EYS: variants seen among roughly 807,000 people sequenced by gnomAD.
EYS encodes the protein protein eyes shut homolog.
EYS carries 250 observed loss-of-function variants against 282.1 expected under a neutral mutation model. The observed-to-expected ratio is 0.89, with a 90% CI of 0.80 to 0.98. The LOEUF is 0.98. Ranked by LOEUF, EYS falls within the 50% of genes least tolerant of loss-of-function variation. The pLI is 0.00. For synonymous variants in EYS, 1,355 were observed against 1,282.9 expected, an observed-to-expected ratio of 1.06 and a Z score of -1.20; for missense variants, 4,016 against 3,709.0, an observed-to-expected ratio of 1.08 and a Z score of -2.15.
chr6:65,202,918 G>C (rs529175260), intron 12 of EYS, among the ~76,000 whole-genome samples: 1 of 152,138 alleles, frequency 6.6e-6, no homozygotes, highest in African/African-American at 2.4e-5. Flanking sequence ...CATGAGGCCT[G>C]AGAGCTTCCA....
At chr6:64,687,955 G>T (rs542262077) in intron 22 of EYS, among the ~76,000 whole-genome samples, 43 of 152,216 alleles carry the variant, frequency 2.8e-4, no homozygotes, top group Middle Eastern at 3.4e-3. Context: ...AGTCTTTGCA[G>T]GGTGTATGTG....
intron 2 of EYS, among the ~76,000 whole-genome samples, chr6:65,635,867 A>G (rs1767068988): frequency 6.6e-6 from 1 of 152,134 alleles, no homozygotes; most frequent in Non-Finnish European, 1.5e-5. Context: ...GTGCCCTCCT[A>G]CAATTTCATC....
intron 4 of EYS, among the ~76,000 whole-genome samples, chr6:65,491,772 G>A (rs141230799): frequency 6.6e-6 from 1 of 152,240 alleles, no homozygotes; most frequent in African/African-American, 2.4e-5. Flanking sequence ...ATATGTTGAA[G>A]TCCTATCCCT....
At chr6:65,334,755 T>C (rs1769919723) in intron 11 of EYS, among the ~76,000 whole-genome samples, 1 of 151,776 alleles carries the variant, frequency 6.6e-6, no homozygotes, top group South Asian at 2.1e-4. Flanking sequence ...TCTATACAGA[T>C]ATATTCCTTC....
intron 42 of EYS, among the ~76,000 whole-genome samples, chr6:63,722,450 ATC>A (rs1485623004): frequency 6.6e-6 from 1 of 152,126 alleles, no homozygotes; most frequent in Admixed American, 6.6e-5. Flanking sequence ...ATTACAGTAT[ATC>A]TCATTTTATA....
chr6:64,848,613 A>G (rs1472564708), intron 19 of EYS, among the ~76,000 whole-genome samples: 2 of 152,092 alleles, frequency 1.3e-5, no homozygotes, highest in African/African-American at 4.8e-5. Context: ...TGGGAGGGGC[A>G]GTATAGCAGA....
intron 2 of EYS, among the ~76,000 whole-genome samples, chr6:65,574,029 T>C: frequency 6.6e-6 from 1 of 152,260 alleles, no homozygotes; most frequent in Non-Finnish European, 1.5e-5. Context: ...CATCCATGCC[T>C]CACAGACAGT....
At chr6:65,593,756 T>C (rs1765311045) in intron 2 of EYS, among the ~76,000 whole-genome samples, 2 of 152,004 alleles carry the variant, frequency 1.3e-5, no homozygotes, top group Admixed American at 6.6e-5. Flanking sequence ...GTACTCTAAT[T>C]ATATTTTGTC....
chr6:63,735,464 C>A (rs1768885844), intron 41 of EYS, among the ~76,000 whole-genome samples: 1 of 151,510 alleles, frequency 6.6e-6, no homozygotes, highest in African/African-American at 2.4e-5. Context: ...TTTCCTGTCT[C>A]TGTCTTCCTG....
chr6:64,591,694 G>A lies in EYS; in HGVS notation c.4173C>T (p.Thr1391=). The change falls in exon 26 of 43, where the codon ACC becomes ACT. Residue 1391 remains threonine (T), a synonymous_variant. Coordinates refer to ENST00000503581, the MANE Select transcript of EYS (RefSeq NM_001142800.2). ...GFFFPDRRAR[T]PFIMSSLMSD... is the part of the protein sequence containing the mutation. ...ACATTAAGGAAGACATGATAAATGG[G>A]GTCCTTGCTCTCCTATCAGGAAAAA... 6.4e-7 allele frequency: 1 copy of A among 1,551,302 alleles called. No homozygotes were observed. Among genetic ancestry groups the A allele is most frequent in the Non-Finnish European group, 8.7e-7 (1 of 1,146,762 alleles).
At chr6:64,171,499 T>C (rs1277375036) in intron 31 of EYS, among the ~76,000 whole-genome samples, 2 of 152,166 alleles carry the variant, frequency 1.3e-5, no homozygotes, top group Non-Finnish European at 1.5e-5. Context: ...AAATCAAACC[T>C]AGCTTTTACT....
rs777111300 is a variant in EYS, at chr6:63,720,595, C to G, written c.*1G>C. 13 of 1,463,848 alleles carry G rather than the reference C, an allele frequency of 8.9e-6. No homozygotes were observed. Among genetic ancestry groups the G allele is most frequent in the Non-Finnish European group, 1.1e-5 (12 of 1,102,506 alleles). 90.7% of individuals were successfully genotyped at this position (1,463,848 alleles called of 1,614,324 possible). ...TGTGTACTAAAATCTCTAGTGTTAA[C>G]TTATGTAACCTCATTTTGTTCATCT... On this transcript the variant is annotated 3_prime_UTR_variant, in exon 43 of 43. Coordinates refer to ENST00000503581, the MANE Select transcript of EYS (RefSeq NM_001142800.2).
At chr6:65,458,109 T>A (rs190665708) in intron 5 of EYS, among the ~76,000 whole-genome samples, 25 of 152,290 alleles carry the variant, frequency 1.6e-4, no homozygotes, top group Non-Finnish European at 2.8e-4. Context: ...ACTACTAAGT[T>A]TGGACCAACA....
rs1764885065 is a variant in EYS, at chr6:65,581,899, T to G, written c.-333+57879A>C. 2.6e-5 allele frequency among the ~76,000 whole-genome samples: 4 copies of G among 152,086 alleles called. No individual in the cohort carries two copies. The South Asian group carries it at 8.3e-4, about 32-fold the overall frequency. ...TTTTTTTCAAAATGATTTTAAAATC[T>G]AAAAGCTTGGCTGGGCATGGTGGCT... On this transcript the variant is annotated intron_variant, in intron 2 of 42. Transcript: ENST00000503581.
chr6:65,588,336 A>C (rs1765124321), intron 2 of EYS, among the ~76,000 whole-genome samples: 1 of 152,058 alleles, frequency 6.6e-6, no homozygotes, highest in Non-Finnish European at 1.5e-5. Context: ...TAACAGGCTA[A>C]CATAAAGAAA....
chr6:65,455,456 G>A (rs1227204176), intron 5 of EYS, among the ~76,000 whole-genome samples: 1 of 151,750 alleles, frequency 6.6e-6, no homozygotes, highest in African/African-American at 2.4e-5. Context: ...CAATTTTAAA[G>A]GTGAACAAAA....
intron 15 of EYS, 60 bp downstream of exon 15, chr6:64,945,733 C>A (rs1769263858): frequency 1.4e-6 from 2 of 1,467,228 alleles, no homozygotes; most frequent in Admixed American, 4.0e-5. Flanking sequence ...CTGGATGTAT[C>A]CCAAGGACAC....
rs576204500 is a variant in EYS, at chr6:65,330,413, T to C, written c.1766+4567A>G. On this transcript the variant is annotated intron_variant, in intron 11 of 42. Coordinates refer to ENST00000503581, the MANE Select transcript of EYS (RefSeq NM_001142800.2). ...ACAGTCTGGGCATGGTATTAAGAAA[T>C]TAACATCCCAGACTTAGCAAATCTT... The C allele has an allele frequency of 3.8e-5, 37 of 984,448 alleles. No homozygotes were observed. In the South Asian group the frequency reaches 1.5e-3, roughly 39 times the overall value. The allele number at this position is 984,448 out of a possible 1,614,324, so 61.0% of individuals were successfully genotyped here.
rs80150951 is a variant in EYS, at chr6:65,241,438, T to G, written c.2023+54425A>C. ...TCAGTAGCAAACAAGTTTATAAACA[T>G]TTCAGAGCTGGATGCATAATCAAAA... On this transcript the variant is annotated intron_variant, in intron 12 of 42. Transcript: ENST00000503581. Among the ~76,000 whole-genome samples the G allele has an allele frequency of 7.5e-3, 1,148 of 152,234 alleles. 6 individuals are homozygous for G. The highest frequency in any genetic ancestry group is 0.011 in the Non-Finnish European group (780 of 67,966).
Sources: gnomAD v4.1 joint callset for allele counts (sites outside exome capture counted in the v4.1 genomes callset) on GRCh38, gnomAD v4.1.1 for gene constraint, MANE v1.5 for transcripts, NCBI Gene and HGNC (gene_info 2026-07-23, HGNC 2026-07-21) for gene names.